Variants in PPHLN1 observed in about 807,000 individuals in gnomAD.
The protein encoded by PPHLN1 is periphilin-1.
In PPHLN1, 29 loss-of-function variants were observed where a neutral mutation model predicts 51.3. The observed-to-expected ratio is 0.57, with a 90% CI of 0.42 to 0.77. PPHLN1 has a LOEUF of 0.77. Among genes scored for constraint, PPHLN1 ranks in the 30% least tolerant of loss-of-function variants. The pLI is 0.00. For synonymous variants in PPHLN1, 147 were observed against 147.8 expected (o/e 0.99, Z 0.04); for missense variants, 436 against 438.4 (o/e 0.99, Z 0.05).
chr12:42,383,331 A>G (rs540397215), intron 5 of PPHLN1, among the ~76,000 whole-genome samples: 21 of 152,310 alleles, frequency 1.4e-4, no homozygotes, highest in East Asian at 9.6e-4. Context: ...GATGCATGCA[A>G]TTCACTCTCA....
intron 9 of PPHLN1, chr12:42,433,427 A>T: frequency 3.3e-6 from 1 of 302,058 alleles, no homozygotes; most frequent in Admixed American, 4.7e-5. Flanking sequence ...GGTTCATGCC[A>T]TTCTCCTGCC....
At chr12:42,407,353 G>A (rs2079405020) in intron 9 of PPHLN1, among the ~76,000 whole-genome samples, 1 of 152,256 alleles carries the variant, frequency 6.6e-6, no homozygotes, top group Admixed American at 6.5e-5. Flanking sequence ...TTCACATGCT[G>A]TTGGCAGAAG....
At chr12:42,334,532 GT>G (rs1390542029) in intron 1 of PPHLN1, among the ~76,000 whole-genome samples, 6 of 152,096 alleles carry the variant, frequency 3.9e-5, no homozygotes, top group African/African-American at 1.4e-4. Context: ...TTCTATAGCT[GT>G]TCTGTACTGT....
chr12:42,428,366 C>G (rs1297493791), intron 9 of PPHLN1, among the ~76,000 whole-genome samples: 2 of 152,174 alleles, frequency 1.3e-5, no homozygotes, highest in Non-Finnish European at 2.9e-5. Flanking sequence ...ACCCAAATGT[C>G]CATCAGTCAA....
At chr12:42,357,183 A>G (rs1261595093) in intron 4 of PPHLN1, among the ~76,000 whole-genome samples, 4 of 152,220 alleles carry the variant, frequency 2.6e-5, no homozygotes, top group Admixed American at 1.3e-4. Context: ...TCAGTATCAT[A>G]TAAGTGTCAG....
chr12:42,360,710 C>G (rs1326520003), intron 4 of PPHLN1, among the ~76,000 whole-genome samples: 2 of 151,890 alleles, frequency 1.3e-5, no homozygotes, highest in Admixed American at 1.3e-4. Context: ...GGCCAGGCTG[C>G]TCTTGAACTC....
At chr12:42,435,898 G>A (rs2082436716) in intron 9 of PPHLN1, among the ~76,000 whole-genome samples, 1 of 152,150 alleles carries the variant, frequency 6.6e-6, no homozygotes, top group Non-Finnish European at 1.5e-5. Flanking sequence ...CTGCAGTGAT[G>A]AAAATGTTTT....
At chr12:42,337,693 C>T (rs112264850) in intron 2 of PPHLN1, among the ~76,000 whole-genome samples, 11,200 of 152,080 alleles carry the variant, frequency 0.074, 431 homozygotes, top group Admixed American at 0.094. Context: ...CGGGTTCAAG[C>T]GATTCTTGTG....
intron 8 of PPHLN1, among the ~76,000 whole-genome samples, chr12:42,395,004 ATATT>A (rs1288893876): frequency 6.6e-6 from 1 of 152,114 alleles, no homozygotes; most frequent in Non-Finnish European, 1.5e-5. Context: ...CATTAATAGT[ATATT>A]TATCCTCCCT....
intron 9 of PPHLN1, among the ~76,000 whole-genome samples, chr12:42,406,629 T>C (rs139802588): frequency 6.6e-6 from 1 of 152,306 alleles, no homozygotes; most frequent in East Asian, 1.9e-4. Context: ...TAGTTATCTT[T>C]TTTTCAGTTG....
Position 42,330,854 on chromosome 12 carries a change from C to T in PPHLN1, c.-21+4625C>T, listed in dbSNP as rs560331254. On this transcript the variant is annotated intron_variant, in intron 1 of 9. Transcript: ENST00000358314. The stretch of plus-strand genomic sequence containing the variant: ...CCTCCTGAGTAGCTGGTACTACAGG[C>T]ACGTGCCACCACACCTGGCTAATTT... Among the ~76,000 whole-genome samples, 7 of 152,236 alleles carry T rather than the reference C, an allele frequency of 4.6e-5. No individual in the cohort carries two copies. In the South Asian group the frequency reaches 1.5e-3, roughly 32 times the overall value.
At chr12:42,388,012 G>A (rs964977517) in intron 7 of PPHLN1, among the ~76,000 whole-genome samples, 2 of 152,220 alleles carry the variant, frequency 1.3e-5, no homozygotes. Flanking sequence ...AATGCACTGC[G>A]GAACGCCGCA....
chr12:42,369,029 T>C (rs2075551699), intron 4 of PPHLN1, among the ~76,000 whole-genome samples: 1 of 152,230 alleles, frequency 6.6e-6, no homozygotes, highest in South Asian at 2.1e-4. Context: ...GTCAGCTGTC[T>C]GTTTTTGTAA....
intron 2 of PPHLN1, among the ~76,000 whole-genome samples, chr12:42,345,386 C>T (rs2072158463): frequency 6.6e-6 from 1 of 151,686 alleles, no homozygotes; most frequent in Non-Finnish European, 1.5e-5. Context: ...TTTTAATACC[C>T]TGCCAGAGTA....
At chr12:42,352,707 A>G (rs537751750) in intron 3 of PPHLN1, among the ~76,000 whole-genome samples, 51 of 152,052 alleles carry the variant, frequency 3.4e-4, no homozygotes, top group African/African-American at 1.2e-3. Flanking sequence ...TGTTAGGATT[A>G]TAGGTGTGAG....
intron 4 of PPHLN1, 23 bp downstream of exon 4, chr12:42,355,245 A>T (rs752019051): frequency 6.3e-7 from 1 of 1,598,372 alleles, no homozygotes; most frequent in East Asian, 2.2e-5. Context: ...AAATAATAGC[A>T]TAAGTACTTT....
At chr12:42,378,631 GATTA>G (rs1472460403) in intron 5 of PPHLN1, among the ~76,000 whole-genome samples, 1 of 151,614 alleles carries the variant, frequency 6.6e-6, no homozygotes, top group Non-Finnish European at 1.5e-5. Context: ...CATACTTTTA[GATTA>G]ATTTTTCCTA....
intron 7 of PPHLN1, among the ~76,000 whole-genome samples, chr12:42,390,103 C>T (rs2077558495): frequency 6.6e-6 from 1 of 152,148 alleles, no homozygotes; most frequent in Non-Finnish European, 1.5e-5. Context: ...TCTTTTCATT[C>T]TGCCTTTTAT....
At chr12:42,381,825 A>G (rs1178818554) in intron 5 of PPHLN1, among the ~76,000 whole-genome samples, 1 of 152,170 alleles carries the variant, frequency 6.6e-6, no homozygotes, top group Non-Finnish European at 1.5e-5. Context: ...TTCTCTTCAT[A>G]TCTTCAGCTG....
Sources: gnomAD v4.1 joint callset for allele counts (sites outside exome capture counted in the v4.1 genomes callset) on GRCh38, gnomAD v4.1.1 for gene constraint, MANE v1.5 for transcripts, NCBI Gene and HGNC (gene_info 2026-07-23, HGNC 2026-07-21) for gene names.